MYT1L: variants seen among roughly 807,000 people sequenced by gnomAD.
MYT1L encodes myelin transcription factor 1-like protein.
Under a neutral mutation model 126.7 loss-of-function variants are expected in MYT1L, and 12 were observed. The observed-to-expected ratio is 0.09, with a 90% CI of 0.06 to 0.15. The LOEUF (loss-of-function observed/expected upper bound fraction) is 0.15. MYT1L is among the 10% of genes least tolerant of loss of function. The probability of loss-of-function intolerance (pLI) is 1.00; values close to 1 mark genes in which losing one functional copy is unlikely to be tolerated. For missense variants in MYT1L, 979 were observed against 1,585.2 expected (o/e 0.62, Z 6.49); for synonymous variants, 541 against 604.2 (o/e 0.90, Z 1.53).
At chr2:2,263,893 CTTT>C (rs1361251611) in intron 2 of MYT1L, among the ~76,000 whole-genome samples, 4 of 152,164 alleles carry the variant, frequency 2.6e-5, no homozygotes, top group African/African-American at 9.7e-5. Context: ...CTGTTTCTCA[CTTT>C]AAAAAATTGG....
At chr2:2,240,085 G>A (rs2094408374) in intron 2 of MYT1L, among the ~76,000 whole-genome samples, 1 of 152,078 alleles carries the variant, frequency 6.6e-6, no homozygotes, top group African/African-American at 2.4e-5. Flanking sequence ...ATCACCTGAG[G>A]TCAGGAGTTT....
Position 1,979,110 on chromosome 2 carries a change from C to T in MYT1L, c.152+55G>A. On this transcript the variant is annotated intron_variant, in intron 8 of 24. Coordinates refer to ENST00000647738, the MANE Select transcript of MYT1L (RefSeq NM_001303052.2). This position sits in a 1 kb window ranked among gnomAD's most constrained non-coding sequence, Gnocchi z 4.0. Reference sequence around the variant, plus strand: ...ACACAGTTCATCATCAGGACTGGGTCCCCAAATAAGTCACTTTAGACAGCA... The same window carrying T: ...ACACAGTTCATCATCAGGACTGGGTTCCCAAATAAGTCACTTTAGACAGCA... 6.9e-7 allele frequency: 1 copy of T among 1,443,482 alleles called. No homozygotes were observed. The highest frequency in any genetic ancestry group is 9.6e-7 in the Non-Finnish European group (1 of 1,036,748). The allele number at this position is 1,443,482 out of a possible 1,614,324, so 89.4% of individuals were successfully genotyped here. A position where few individuals can be genotyped will look rare whatever the true frequency, so the allele number is the denominator to read the frequency against.
intron 4 of MYT1L, among the ~76,000 whole-genome samples, chr2:2,047,218 G>A (rs923293990): frequency 7.9e-5 from 12 of 152,036 alleles, no homozygotes; most frequent in Non-Finnish European, 1.5e-4. Context: ...CAGTATCTAT[G>A]TTTAAGTTTA....
At chr2:2,005,254 T>TCCTGCATGCGTTCTTA (rs2063113805) in intron 4 of MYT1L, among the ~76,000 whole-genome samples, 1 of 150,022 alleles carries the variant, frequency 6.7e-6, no homozygotes, top group Non-Finnish European at 1.5e-5. Context: ...AGGCGTTCTT[T>TCCTGCATGCGTTCTTA]CCTGCATACG....
chr2:2,309,062 T>C (rs2095908444), intron 1 of MYT1L, among the ~76,000 whole-genome samples: 1 of 151,860 alleles, frequency 6.6e-6, no homozygotes, highest in Non-Finnish European at 1.5e-5. Context: ...CACCTACACA[T>C]TACTTTTCTC....
At chr2:1,941,696 T>C (rs1458975734) in intron 9 of MYT1L, among the ~76,000 whole-genome samples, 1 of 149,326 alleles carries the variant, frequency 6.7e-6, no homozygotes, top group South Asian at 2.1e-4. Flanking sequence ...TCTATGTGTA[T>C]ATACATATCT....
At chr2:2,119,255 T>C (rs1183622996) in intron 3 of MYT1L, among the ~76,000 whole-genome samples, 12 of 152,246 alleles carry the variant, frequency 7.9e-5, no homozygotes, top group Non-Finnish European at 4.4e-5. Context: ...ATAACACTTG[T>C]AATAATATAT....
intron 18 of MYT1L, among the ~76,000 whole-genome samples, chr2:1,873,950 A>T (rs1477936810): frequency 6.6e-6 from 1 of 152,098 alleles, no homozygotes; most frequent in African/African-American, 2.4e-5. Flanking sequence ...GGGATGGTCA[A>T]AGATACCGGA....
intron 19 of MYT1L, among the ~76,000 whole-genome samples, chr2:1,845,726 C>G (rs1015297068): frequency 9.2e-5 from 14 of 152,348 alleles, no homozygotes; most frequent in African/African-American, 3.1e-4. Flanking sequence ...CGTTTTCCAG[C>G]AAATAAAATT....
chr2:2,053,188 A>G (rs1055038270), intron 4 of MYT1L, among the ~76,000 whole-genome samples: 7 of 152,230 alleles, frequency 4.6e-5, no homozygotes, highest in African/African-American at 1.7e-4. Flanking sequence ...AATGCCACTC[A>G]CATGAGGTAA....
chr2:2,172,454 T>C (rs2090184295), intron 3 of MYT1L, among the ~76,000 whole-genome samples: 1 of 152,254 alleles, frequency 6.6e-6, no homozygotes, highest in Non-Finnish European at 1.5e-5. Flanking sequence ...GGACTCTTTT[T>C]GGCATGAATT....
rs1432432586 is a variant in MYT1L, at chr2:1,970,443, C to G, written c.152+8722G>C. On this transcript the variant is annotated intron_variant, in intron 8 of 24. Transcript: ENST00000647738. ...CTTTCAGCCCCAGCCCCCATCTCAC[C>G]AGCCATCCTTGCTTCTCTAATGAGT... Among the ~76,000 whole-genome samples, 45 of 152,324 alleles carry G rather than the reference C, an allele frequency of 3.0e-4. 1 individual carries two copies. Among genetic ancestry groups the G allele is most frequent in the Admixed American group, 2.9e-3 (45 of 15,306 alleles).
At chr2:2,324,447 C>A (rs1334405155) in intron 1 of MYT1L, 1 of 152,714 alleles carries the variant, frequency 6.5e-6, no homozygotes, top group Admixed American at 6.5e-5. Context: ...TCTCTCTCTA[C>A]CGGCGCCCAG....
intron 18 of MYT1L, among the ~76,000 whole-genome samples, chr2:1,875,756 G>A (rs1458903339): frequency 1.3e-5 from 2 of 152,120 alleles, no homozygotes; most frequent in Admixed American, 1.3e-4. Context: ...CCTTCATTCC[G>A]ATTCTTTCTT....
intron 18 of MYT1L, among the ~76,000 whole-genome samples, chr2:1,861,916 ATCCTCCTGCAGCCTGTGTAATCCTG>A (rs1449913140): frequency 7.2e-5 from 11 of 152,290 alleles, no homozygotes; most frequent in South Asian, 2.1e-4. Context: ...GTAATCCTGG[ATCCTCCTGCAGCCTGTGTAATCCTG>A]GATCTGCCTG....
chr2:1,937,830 C>T (rs2056177220), intron 9 of MYT1L, among the ~76,000 whole-genome samples: 1 of 152,206 alleles, frequency 6.6e-6, no homozygotes, highest in South Asian at 2.1e-4. Flanking sequence ...TCCTCTCAAG[C>T]AGCCCCTCCT....
chr2:2,185,758 C>T (rs1474021157), intron 2 of MYT1L, among the ~76,000 whole-genome samples: 7 of 114,970 alleles, frequency 6.1e-5, no homozygotes, highest in African/African-American at 1.3e-4. Context: ...CTCCCAGACG[C>T]CCGCGTTCCT....
intron 3 of MYT1L, among the ~76,000 whole-genome samples, chr2:2,111,840 GGTCCTGGCCTGTGCCCT>G (rs1264725401): frequency 6.6e-6 from 1 of 152,258 alleles, no homozygotes; most frequent in East Asian, 1.9e-4. Flanking sequence ...TCCTCCTGGG[GGTCCTGGCCTGTGCCCT>G]GTCTCCTCCA....
At chr2:2,109,205 G>A (rs1559036575) in intron 3 of MYT1L, among the ~76,000 whole-genome samples, 1 of 152,206 alleles carries the variant, frequency 6.6e-6, no homozygotes, top group Non-Finnish European at 1.5e-5. Flanking sequence ...GTGAGTGTTT[G>A]CTGGGTATGG....
Sources: allele counts gnomAD v4.1 joint callset (sites outside exome capture counted in the v4.1 genomes callset), GRCh38; gene constraint gnomAD v4.1.1; non-coding constraint Gnocchi (gnomAD v3.1); transcripts MANE v1.5; gene names NCBI Gene and HGNC (gene_info 2026-07-23, HGNC 2026-07-21).